The following GPAT3 variants were observed in gnomAD, a reference collection of about 807,000 sequenced individuals.
GPAT3 encodes 1-AGP acyltransferase 9.
GPAT3 carries 53 observed loss-of-function variants against 58.8 expected under a neutral mutation model. The ratio of observed to expected loss-of-function variants is 0.90; its 90% CI spans 0.72 to 1.13. The LOEUF (loss-of-function observed/expected upper bound fraction) is 1.13, where lower values mean the gene tolerates loss of function less well. GPAT3 is among the 50% of genes most tolerant of loss of function. GPAT3 has a pLI of 0.00. For missense variants in GPAT3, 511 were observed against 527.6 expected, an observed-to-expected ratio of 0.97 and a Z score of 0.31; for synonymous variants, 197 against 187.4, an observed-to-expected ratio of 1.05 and a Z score of -0.42.
At chr4:83,556,840 A>G (rs1724961602) in intron 2 of GPAT3, among the ~76,000 whole-genome samples, 1 of 152,120 alleles carries the variant, frequency 6.6e-6, no homozygotes, top group Non-Finnish European at 1.5e-5. Context: ...TAGTCCACTC[A>G]GGCTGCTATA....
rs1332200334 is a variant in GPAT3 at position 83,598,099 on chromosome 4, ATGG to A, written c.1048_1050del (p.Val350del). On this transcript the variant is annotated inframe_deletion, in exon 10 of 12. Coordinates refer to ENST00000264409, the MANE Select transcript of GPAT3 (RefSeq NM_032717.5). ...ATTTTGGAACAGTAGTAAATACAAC[ATGG>A]TGAGCTACCTGCTTCGAATGATGAC... The A allele has an allele frequency of 3.1e-6, 5 of 1,613,762 alleles. No homozygotes were observed. The Admixed American group carries it at 8.3e-5, about 27-fold the overall frequency.
intron 1 of GPAT3, among the ~76,000 whole-genome samples, chr4:83,543,792 C>T (rs1053194097): frequency 2.6e-5 from 4 of 152,168 alleles, no homozygotes; most frequent in African/African-American, 9.7e-5. Flanking sequence ...AGGCATGCGT[C>T]ACCATGCCTG....
At chr4:83,553,759 C>G (rs1724840133) in intron 2 of GPAT3, among the ~76,000 whole-genome samples, 1 of 151,994 alleles carries the variant, frequency 6.6e-6, no homozygotes, top group African/African-American at 2.4e-5. Flanking sequence ...AATAGTCAGA[C>G]ATGGCGACTC....
At chr4:83,596,819 T>C in intron 7 of GPAT3, 39 bp from the exon 8 acceptor site, 1 of 1,548,982 alleles carries the variant, frequency 6.5e-7, no homozygotes, top group Non-Finnish European at 8.9e-7. Flanking sequence ...CACCTCTCTC[T>C]TTATAAAGGC....
intron 6 of GPAT3, among the ~76,000 whole-genome samples, chr4:83,592,413 A>G (rs556459336): frequency 6.6e-5 from 10 of 152,346 alleles, no homozygotes; most frequent in Non-Finnish European, 1.5e-4. Context: ...TTGACTAAAC[A>G]TAAACTCTGT....
intron 2 of GPAT3, among the ~76,000 whole-genome samples, chr4:83,562,212 T>TA (rs1560611087): frequency 1.6e-3 from 18 of 11,342 alleles, no homozygotes; most frequent in African/African-American, 0.012. Flanking sequence ...ATATATATAT[T>TA]ATATATATAT....
chr4:83,591,509 A>C (rs903083393), intron 6 of GPAT3, among the ~76,000 whole-genome samples: 2 of 152,224 alleles, frequency 1.3e-5, no homozygotes, highest in Non-Finnish European at 2.9e-5. Context: ...GTTAGGAATT[A>C]GTTGATAGTT....
intron 2 of GPAT3, among the ~76,000 whole-genome samples, chr4:83,579,868 T>C (rs941570394): frequency 6.6e-6 from 1 of 152,210 alleles, no homozygotes; most frequent in Non-Finnish European, 1.5e-5. Flanking sequence ...TTTCTACTAA[T>C]ACACGTATAA....
At chr4:83,566,339 A>G (rs1725380748) in intron 2 of GPAT3, among the ~76,000 whole-genome samples, 1 of 151,946 alleles carries the variant, frequency 6.6e-6, no homozygotes, top group Admixed American at 6.6e-5. Flanking sequence ...AAACCTGGCC[A>G]ATAGTTGTTT....
intron 9 of GPAT3, among the ~76,000 whole-genome samples, 163 bp downstream of exon 9, chr4:83,597,678 C>T (rs547487565): frequency 2.0e-5 from 3 of 152,296 alleles, no homozygotes; most frequent in East Asian, 3.9e-4. Context: ...CTCATGTGCT[C>T]GCTCTCTATA....
intron 2 of GPAT3, 22 bp from the exon 3 acceptor site, chr4:83,581,540 T>A (rs1726125241): frequency 1.9e-6 from 3 of 1,603,224 alleles, no homozygotes; most frequent in East Asian, 4.5e-5. Context: ...CATTTTCTCA[T>A]GTCCTGATGC....
chr4:83,603,062 T>C (rs543514661), intron 11 of GPAT3, among the ~76,000 whole-genome samples: 2 of 152,340 alleles, frequency 1.3e-5, no homozygotes, highest in African/African-American at 2.4e-5. Flanking sequence ...CCACATGGCA[T>C]TGAGTTCACT....
rs70965361 is a variant in GPAT3 at position 83,598,751 on chromosome 4, CTTTTTTTTTTTTTT to C, written c.1205+51_1205+64del. On this transcript the variant is annotated intron_variant, in intron 11 of 11. Transcript: ENST00000264409. The stretch of plus-strand genomic sequence containing the variant: ...AAGAGAACTTTCAGAAGTACTATCA[CTTTTTTTTTTTTTT>C]TTTTTTTTTTTTTTTTTTTTTTAGA... 473 of 152,272 alleles carry C rather than the reference CTTTTTTTTTTTTTT, an allele frequency of 3.1e-3. 1 individual carries two copies. The highest frequency in any genetic ancestry group is 5.1e-3 in the East Asian group (21 of 4,104). 9.4% of individuals were successfully genotyped at this position (152,272 alleles called of 1,614,324 possible).
chr4:83,586,890 C>T lies in GPAT3; in HGVS notation c.480-365C>T, dbSNP rs186033724. 1.0e-3 allele frequency among the ~76,000 whole-genome samples: 159 copies of T among 152,264 alleles called. 1 individual carries two copies. Among genetic ancestry groups the T allele is most frequent in the Admixed American group, 9.9e-3 (151 of 15,282 alleles). ...TATGAAAGCACCTTTAAATCTATTC[C>T]CTTCACTAGCCCTCTTAACCCTTTG... On this transcript the variant is annotated intron_variant, in intron 3 of 11. Coordinates refer to ENST00000264409, the MANE Select transcript of GPAT3 (RefSeq NM_032717.5).
At chr4:83,562,219 ATATATAATATATATATAAT>A (rs1378246453) in intron 2 of GPAT3, among the ~76,000 whole-genome samples, 11 of 80,590 alleles carry the variant, frequency 1.4e-4, no homozygotes, top group African/African-American at 5.5e-4. Flanking sequence ...TATTATATAT[ATATATAATATATATATAAT>A]ATATATATAT....
chr4:83,558,990 A>G (rs756777472), intron 2 of GPAT3, among the ~76,000 whole-genome samples: 1 of 152,190 alleles, frequency 6.6e-6, no homozygotes, highest in Admixed American at 6.5e-5. Flanking sequence ...GAACAAAAAG[A>G]TTGGCTTAAA....
rs898808753 is a variant in GPAT3 at position 83,536,474 on chromosome 4, G to GT, written c.-142dup. 2.3e-5 allele frequency: 34 copies of GT among 1,460,352 alleles called. No homozygotes were observed. The highest frequency in any genetic ancestry group is 2.9e-5 in the Non-Finnish European group (32 of 1,113,010). 90.5% of individuals were successfully genotyped at this position (1,460,352 alleles called of 1,614,324 possible). On this transcript the variant is annotated 5_prime_UTR_variant, in exon 1 of 12. Transcript: ENST00000264409. ...GAAGGATATTGCCGTAATTCTGAAA[G>GT]TTTTTTTCCTTCCTCTCTTCCCTTC...
chr4:83,564,315 C>T (rs1266699570), intron 2 of GPAT3, among the ~76,000 whole-genome samples: 1 of 152,150 alleles, frequency 6.6e-6, no homozygotes, highest in Non-Finnish European at 1.5e-5. Context: ...GGGTCAGTTG[C>T]ATTAATTTTT....
chr4:83,578,097 G>C (rs1356868471), intron 2 of GPAT3, among the ~76,000 whole-genome samples: 1 of 152,048 alleles, frequency 6.6e-6, no homozygotes, highest in Non-Finnish European at 1.5e-5. Context: ...CACCATACCT[G>C]GCCTCACTGT....
Sources: allele counts gnomAD v4.1 joint callset (sites outside exome capture counted in the v4.1 genomes callset), GRCh38; gene constraint gnomAD v4.1.1; transcripts MANE v1.5; gene names NCBI Gene and HGNC (gene_info 2026-07-23, HGNC 2026-07-21).